Variants in ANO3 observed in about 807,000 individuals in gnomAD.
The protein encoded by ANO3 is anoctamin-3.
ANO3 carries 99 observed loss-of-function variants against 144.8 expected under a neutral mutation model. The ratio of observed to expected loss-of-function variants is 0.68; its 90% confidence interval spans 0.58 to 0.81. ANO3 has a LOEUF of 0.81. ANO3 is among the 30% of genes least tolerant of loss of function. The probability of loss-of-function intolerance (pLI) is 0.00; values close to 1 mark genes in which losing one functional copy is unlikely to be tolerated. For missense variants in ANO3, 905 were observed against 1,202.2 expected (o/e 0.75, Z 3.66); for synonymous variants, 414 against 392.6 (o/e 1.05, Z -0.64).
chr11:26,494,909 G>C (rs1860866113), intron 4 of ANO3, among the ~76,000 whole-genome samples: 2 of 152,098 alleles, frequency 1.3e-5, no homozygotes, highest in Admixed American at 6.6e-5. Context: ...AGTAGGGTTA[G>C]AGAAGGGTTA....
At chr11:26,506,796 A>G (rs1381575720) in intron 4 of ANO3, among the ~76,000 whole-genome samples, 2 of 152,130 alleles carry the variant, frequency 1.3e-5, no homozygotes, top group African/African-American at 2.4e-5. Flanking sequence ...TTTCTTGGAT[A>G]TTCTTTCTGT....
upstream of ANO3, among the ~76,000 whole-genome samples, chr11:26,329,295 T>TACACAC (rs201501181): frequency 0.011 from 1,548 of 144,898 alleles, 13 homozygotes; most frequent in East Asian, 0.051. Flanking sequence ...TTTCTTTCTT[T>TACACAC]ACACACACAC....
upstream of ANO3, among the ~76,000 whole-genome samples, chr11:26,307,382 T>G (rs1854407631): frequency 6.7e-6 from 1 of 148,864 alleles, no homozygotes; most frequent in African/African-American, 2.5e-5. Context: ...GGTCTCTTTT[T>G]TAATGTCCTC....
chr11:26,607,550 C>T (rs914659335), intron 17 of ANO3, among the ~76,000 whole-genome samples: 1 of 152,064 alleles, frequency 6.6e-6, no homozygotes, highest in African/African-American at 2.4e-5. Flanking sequence ...GTCTGCATGC[C>T]TTATTTCAGC....
At chr11:26,481,978 G>A (rs1006517428) in intron 4 of ANO3, among the ~76,000 whole-genome samples, 1 of 151,766 alleles carries the variant, frequency 6.6e-6, no homozygotes, top group Non-Finnish European at 1.5e-5. Context: ...CTGCAGCCTC[G>A]AAGTCCTGGG....
chr11:26,411,175 CA>C (rs1161769584), intron 1 of ANO3, among the ~76,000 whole-genome samples: 2 of 151,872 alleles, frequency 1.3e-5, no homozygotes. Flanking sequence ...GCTTACTCTG[CA>C]AAATTTGCAG....
intron 11 of ANO3, 93 bp downstream of exon 11, chr11:26,542,161 A>T (rs1849663309): frequency 1.4e-6 from 2 of 1,396,788 alleles, no homozygotes; most frequent in South Asian, 3.3e-5. Flanking sequence ...ACCAGTGAGG[A>T]TGCAGTCTAC....
chr11:26,238,886 C>T (rs1458316034), intron 1 of ANO3, among the ~76,000 whole-genome samples: 1 of 151,776 alleles, frequency 6.6e-6, no homozygotes, highest in African/African-American at 2.4e-5. Context: ...TGTTTCAAAT[C>T]ATTATTCAAA....
intron 1 of ANO3, among the ~76,000 whole-genome samples, chr11:26,292,469 G>A (rs186940609): frequency 6.4e-4 from 98 of 152,224 alleles, no homozygotes; most frequent in African/African-American, 2.2e-3. Context: ...GAGGAGGTGC[G>A]ATCCTTTGGA....
At chr11:26,329,537 G>A (rs142543734), upstream of ANO3, among the ~76,000 whole-genome samples, 3,928 of 152,222 alleles carry the variant, frequency 0.026, 77 homozygotes, top group Admixed American at 0.058. Context: ...TTTAAGAAAA[G>A]TAATTAACTT....
chr11:26,513,455 T>C (rs1222844568), intron 5 of ANO3, among the ~76,000 whole-genome samples: 1 of 152,122 alleles, frequency 6.6e-6, no homozygotes, highest in Non-Finnish European at 1.5e-5. Flanking sequence ...TGGCTATCTG[T>C]ACGGTAAAGT....
At position 26,496,974 on chromosome 11, in the gene ANO3, GTATA is replaced by G. The variant is rs71047855; in HGVS notation, c.433-11111_433-11108del. Among the ~76,000 whole-genome samples the G allele has an allele frequency of 2.2e-3, 301 of 136,494 alleles. 1 individual carries two copies. The highest frequency in any genetic ancestry group is 2.7e-3 in the Non-Finnish European group (174 of 64,448). 89.5% of individuals were successfully genotyped at this position (136,494 alleles called of 152,430 possible). A position where few individuals can be genotyped will look rare whatever the true frequency, so the allele number is the denominator to read the frequency against. The stretch of plus-strand genomic sequence containing the variant: ...TGACTGTAAAGAGAAAATGTTGTGT[GTATA>G]TATATATATATATATATACACACAC... On this transcript the variant is annotated intron_variant, in intron 4 of 26. Coordinates refer to ENST00000256737, the MANE Select transcript of ANO3 (RefSeq NM_031418.4).
intron 6 of ANO3, among the ~76,000 whole-genome samples, chr11:26,520,100 A>T (rs1232062536): frequency 6.6e-6 from 1 of 152,288 alleles, no homozygotes; most frequent in East Asian, 1.9e-4. Context: ...ACTTAGATTT[A>T]AAAAATCTTT....
chr11:26,537,507 C>A (rs373991561), intron 10 of ANO3, 46 bp downstream of exon 10: 312 of 1,468,776 alleles, frequency 2.1e-4, no homozygotes, highest in Non-Finnish European at 2.8e-4. Context: ...GGTTTTCATG[C>A]TCAATGCTTG....
chr11:26,330,143 T>C (rs1854999977), upstream of ANO3, among the ~76,000 whole-genome samples: 1 of 152,230 alleles, frequency 6.6e-6, no homozygotes, highest in Non-Finnish European at 1.5e-5. Context: ...GTGTTAGTTT[T>C]CTGCCATTCT....
chr11:26,630,431 A>G (rs972070812), intron 18 of ANO3, among the ~76,000 whole-genome samples: 5 of 152,246 alleles, frequency 3.3e-5, no homozygotes, highest in African/African-American at 7.2e-5. Context: ...GACATTAATC[A>G]GGAAAACATG....
chr11:26,269,974 A>G (rs1853406106), intron 1 of ANO3, among the ~76,000 whole-genome samples: 1 of 152,190 alleles, frequency 6.6e-6, no homozygotes, highest in Non-Finnish European at 1.5e-5. Context: ...ACAAACACAC[A>G]CAGAGAACAG....
At chr11:26,606,774 G>A (rs188490045) in intron 17 of ANO3, among the ~76,000 whole-genome samples, 1 of 152,174 alleles carries the variant, frequency 6.6e-6, no homozygotes, top group African/African-American at 2.4e-5. Flanking sequence ...TTACATTTAA[G>A]GTTAATATTG....
chr11:26,313,722 G>A (rs1025506239), intron 1 of ANO3, among the ~76,000 whole-genome samples: 1 of 151,608 alleles, frequency 6.6e-6, no homozygotes, highest in African/African-American at 2.4e-5. Flanking sequence ...AAAATTACAG[G>A]TGATAATACA....
Sources: allele counts gnomAD v4.1 joint callset (sites outside exome capture counted in the v4.1 genomes callset), GRCh38; gene constraint gnomAD v4.1.1; transcripts MANE v1.5; gene names NCBI Gene and HGNC (gene_info 2026-07-23, HGNC 2026-07-21).